Variants in ADAP1 observed in about 807,000 individuals in gnomAD.
The protein encoded by ADAP1 is arf-GAP with dual PH domain-containing protein 1.
In ADAP1, 31 loss-of-function variants were observed where a neutral mutation model predicts 54.9. That is an observed-to-expected ratio of 0.56 (90% confidence interval 0.42 to 0.76). ADAP1 has a LOEUF of 0.76. Among genes scored for constraint, ADAP1 ranks in the 30% least tolerant of loss-of-function variants. The probability of loss-of-function intolerance (pLI) is 0.00; values close to 1 mark genes in which losing one functional copy is unlikely to be tolerated. For missense variants in ADAP1, 535 were observed against 512.4 expected, an observed-to-expected ratio of 1.04 and a Z score of -0.42; for synonymous variants, 313 against 202.6, an observed-to-expected ratio of 1.55 and a Z score of -4.63.
At chr7:935,111 G>A in intron 2 of ADAP1, 1 of 605,740 alleles carries the variant, frequency 1.7e-6, no homozygotes, top group Non-Finnish European at 3.2e-6. Context: ...ACGGGAATCG[G>A]CGACCCGCCT....
intron 4 of ADAP1, among the ~76,000 whole-genome samples, chr7:906,680 GGGGACA>G (rs1845413284): frequency 1.2e-5 from 1 of 81,300 alleles, no homozygotes; most frequent in Non-Finnish European, 2.3e-5. Context: ...GACATGGACA[GGGGACA>G]CGGGGGACAT....
chr7:901,221 G>C (rs1274898816), intron 6 of ADAP1: 3 of 358,442 alleles, frequency 8.4e-6, no homozygotes, highest in African/African-American at 6.4e-5. Context: ...CCCCACGTCG[G>C]GTGCCCTCTG....
chr7:912,220 C>G, intron 4 of ADAP1, among the ~76,000 whole-genome samples: 1 of 152,268 alleles, frequency 6.6e-6, no homozygotes, highest in East Asian at 1.9e-4. Flanking sequence ...GCACGGGGTC[C>G]GGAGCCTAGA....
intron 3 of ADAP1, chr7:921,037 T>A: frequency 1.7e-6 from 1 of 592,984 alleles, no homozygotes; most frequent in South Asian, 2.2e-5. Context: ...TGTGTGTGTG[T>A]CCCCCACCTG....
chr7:947,596 C>G (rs1414234767), intron 1 of ADAP1, among the ~76,000 whole-genome samples: 1 of 152,060 alleles, frequency 6.6e-6, no homozygotes, highest in Non-Finnish European at 1.5e-5. Flanking sequence ...CTACTCTGCC[C>G]ACCACACCCC....
chr7:906,779 G>GT (rs59838991), intron 4 of ADAP1, among the ~76,000 whole-genome samples: 2,822 of 42,616 alleles, frequency 0.066, 273 homozygotes, highest in Middle Eastern at 0.15. Flanking sequence ...GGGGGACAGG[G>GT]GACACGGGGG....
rs1845433628 is a variant in ADAP1, at chr7:906,715, ATCGG to A, written c.389-1547_389-1544del. Among the ~76,000 whole-genome samples, 46 of 22,424 alleles carry A rather than the reference ATCGG, an allele frequency of 2.1e-3. 2 individuals are homozygous for A. The highest frequency in any genetic ancestry group is 0.011 in the East Asian group (5 of 474). The allele number at this position is 22,424 out of a possible 152,430, so 14.7% of individuals were successfully genotyped here. A position where few individuals can be genotyped will look rare whatever the true frequency, so the allele number is the denominator to read the frequency against. ...GGGACATGGACATGGGGGACGGGAC[ATCGG>A]GGACGGGACATGGGGGACAGAGTAC... On this transcript the variant is annotated intron_variant, in intron 4 of 10. Transcript: ENST00000265846.
At chr7:906,687 C>A (rs147986875) in intron 4 of ADAP1, among the ~76,000 whole-genome samples, 538 of 29,366 alleles carry the variant, frequency 0.018, 25 homozygotes, top group East Asian at 0.16. Context: ...ACAGGGGACA[C>A]GGGGGACATG....
chr7:923,547 G>A (rs1383925210), intron 3 of ADAP1, among the ~76,000 whole-genome samples: 1 of 152,116 alleles, frequency 6.6e-6, no homozygotes. Context: ...ACAGGCTGGT[G>A]CTGAAGATAA....
chr7:927,078 G>A (rs1295073851), intron 2 of ADAP1: 15 of 1,299,462 alleles, frequency 1.2e-5, no homozygotes, highest in African/African-American at 1.5e-5. Context: ...GCCAACAGGC[G>A]CCAGACACGG....
chr7:900,761 C>T, intron 6 of ADAP1, 145 bp from the exon 7 acceptor site: 1 of 721,976 alleles, frequency 1.4e-6, no homozygotes, highest in Non-Finnish European at 2.4e-6. Context: ...CCCAGCAGTC[C>T]TGCCGCAGGC....
At chr7:903,937 G>A in intron 6 of ADAP1, 189 bp downstream of exon 6, 2 of 685,306 alleles carry the variant, frequency 2.9e-6, no homozygotes, top group East Asian at 3.3e-5. Flanking sequence ...CCCGGCGCCA[G>A]TGCCCACACT....
intron 7 of ADAP1, 82 bp from the exon 8 acceptor site, chr7:900,246 C>T: frequency 6.5e-7 from 1 of 1,548,488 alleles, no homozygotes; most frequent in Non-Finnish European, 8.9e-7. Flanking sequence ...CTCTGTGCTC[C>T]CCTCACCCCG....
At chr7:905,573 GAGAAAGGAGAAAGGAGAAAGGA>G (rs1562912321) in intron 4 of ADAP1, 1 of 55,818 alleles carries the variant, frequency 1.8e-5, no homozygotes, top group African/African-American at 9.3e-5. Context: ...AAGGAGAAAG[GAGAAAGGAGAAAGGAGAAAGGA>G]GAAAGGAGAA....
chr7:911,565 G>C (rs549078901), intron 4 of ADAP1, among the ~76,000 whole-genome samples: 1 of 148,106 alleles, frequency 6.8e-6, no homozygotes, highest in Non-Finnish European at 1.5e-5. Flanking sequence ...GGGCCAGGAA[G>C]GGGGCGGGGG....
At position 898,867 on chromosome 7, in the gene ADAP1, C is replaced by T; in HGVS notation, c.*54G>A. ...CGCCAGAGCCCCCCCATCCACGGGT[C>T]CCCTCCGTCCAGCCACAGTGAGTCC... is the stretch of plus-strand genomic sequence containing the variant. On this transcript the variant is annotated 3_prime_UTR_variant, in exon 11 of 11. Transcript: ENST00000265846. 6.4e-7 allele frequency: 1 copy of T among 1,562,158 alleles called. No individual in the cohort carries two copies. The highest frequency in any genetic ancestry group is 1.2e-5 in the South Asian group (1 of 85,274).
chr7:900,991 G>C (rs760586864), intron 6 of ADAP1: 3 of 499,714 alleles, frequency 6.0e-6, no homozygotes, highest in South Asian at 3.1e-5. Context: ...TTCAGATGGT[G>C]CTATTTTTAT....
chr7:935,297 C>G, intron 2 of ADAP1, 78 bp downstream of exon 2: 4 of 1,513,616 alleles, frequency 2.6e-6, no homozygotes, highest in Non-Finnish European at 3.6e-6. Context: ...CCAGGCCGCC[C>G]GGCATCTCTG....
At chr7:935,538 C>A in intron 1 of ADAP1, 33 bp from the exon 2 acceptor site, 2 of 1,554,092 alleles carry the variant, frequency 1.3e-6, no homozygotes, top group South Asian at 1.2e-5. Context: ...CACGGAGGCT[C>A]AGCCCAGGGA....
Sources: gnomAD v4.1 joint callset for allele counts (sites outside exome capture counted in the v4.1 genomes callset) on GRCh38, gnomAD v4.1.1 for gene constraint, MANE v1.5 for transcripts, NCBI Gene and HGNC (gene_info 2026-07-23, HGNC 2026-07-21) for gene names.